The following SULT2B1 variants were observed in gnomAD, a reference collection of about 807,000 sequenced individuals.
SULT2B1 encodes the protein sulfotransferase 2B1.
SULT2B1 carries 16 observed loss-of-function variants against 33.2 expected under a neutral mutation model. The observed-to-expected ratio is 0.48, with a 90% CI of 0.33 to 0.73. The LOEUF (loss-of-function observed/expected upper bound fraction) is 0.73. SULT2B1 is among the 30% of genes least tolerant of loss of function. SULT2B1 has a pLI of 0.02. For synonymous variants in SULT2B1, 186 were observed against 200.5 expected, an observed-to-expected ratio of 0.93 and a Z score of 0.61; for missense variants, 500 against 506.0, an observed-to-expected ratio of 0.99 and a Z score of 0.11.
At chr19:48,577,478 G>A (rs971821725) in intron 2 of SULT2B1, among the ~76,000 whole-genome samples, 2 of 145,062 alleles carry the variant, frequency 1.4e-5, no homozygotes, top group Admixed American at 7.3e-5. Flanking sequence ...CGATTCTCCT[G>A]CCTCAGCCTC....
At chr19:48,582,494 G>A (rs898159295) in intron 2 of SULT2B1, among the ~76,000 whole-genome samples, 1 of 152,148 alleles carries the variant, frequency 6.6e-6, no homozygotes, top group Non-Finnish European at 1.5e-5. Context: ...CTTGGTCAGA[G>A]TCTGTACATT....
chr19:48,558,116 T>C (rs1296599502), intron 1 of SULT2B1, among the ~76,000 whole-genome samples: 4 of 152,054 alleles, frequency 2.6e-5, no homozygotes, highest in Non-Finnish European at 4.4e-5. Context: ...CTTACAGCCG[T>C]CGGAGATTAA....
Position 48,554,112 on chromosome 19 carries a change from C to A in SULT2B1, c.71+1789C>A, listed in dbSNP as rs144268109. Reference sequence around the variant, plus strand: ...CGTGGGGGAGAATAGCCCTCCCCTGCAAGACTCCTCCAGCCCTGATGGCTG... The same window carrying A: ...CGTGGGGGAGAATAGCCCTCCCCTGAAAGACTCCTCCAGCCCTGATGGCTG... On this transcript the variant is annotated intron_variant, in intron 1 of 6. Coordinates refer to ENST00000201586, the MANE Select transcript of SULT2B1 (RefSeq NM_177973.2). Among the ~76,000 whole-genome samples, 582 of 152,224 alleles carry A rather than the reference C, an allele frequency of 3.8e-3. 3 individuals are homozygous for A. Among genetic ancestry groups the A allele is most frequent in the African/African-American group, 0.013 (535 of 41,534 alleles).
intron 3 of SULT2B1, among the ~76,000 whole-genome samples, chr19:48,588,605 C>T (rs56199427): frequency 0.072 from 10,505 of 146,732 alleles, 1,284 homozygotes; most frequent in African/African-American, 0.26. Context: ...ATATGTTTAA[C>T]ATATAATAAC....
intron 1 of SULT2B1, among the ~76,000 whole-genome samples, chr19:48,559,749 G>A (rs181998534): frequency 1.9e-4 from 29 of 150,516 alleles, no homozygotes; most frequent in African/African-American, 7.3e-4. Flanking sequence ...GGCCCTAAGA[G>A]AGGTGTGGCC....
chr19:48,559,545 ATT>A (rs1568402680), intron 1 of SULT2B1, among the ~76,000 whole-genome samples: 1 of 151,958 alleles, frequency 6.6e-6, no homozygotes, highest in South Asian at 2.1e-4. Flanking sequence ...TAATTTTTGT[ATT>A]TTTGATAAAG....
rs983645814 is a variant in SULT2B1, at chr19:48,599,298, G to A, written c.990G>A (p.Lys330=). 6.2e-7 allele frequency: 1 copy of A among 1,610,110 alleles called. No individual in the cohort carries two copies. Among genetic ancestry groups the A allele is most frequent in the Non-Finnish European group, 8.5e-7 (1 of 1,178,382 alleles). Residue 330 remains lysine (K), a synonymous_variant, in exon 7 of 7, where the codon AAG becomes AAA. Transcript: ENST00000201586. This position sits in a 1 kb window ranked among gnomAD's most constrained non-coding sequence, Gnocchi z 4.1. ...AGCCCAGCCCTGAGCCTGAGCCCAA[G>A]CCCAGCCTTGAGCCCAACACCAGCC... ...DPEPSPEPEP[K]PSLEPNTSLE... is the part of the protein sequence containing the mutation.
rs7246557 is a variant in SULT2B1 at position 48,584,313 on chromosome 19, A to T, written c.215-2916A>T. On this transcript the variant is annotated intron_variant, in intron 2 of 6. Coordinates refer to ENST00000201586, the MANE Select transcript of SULT2B1 (RefSeq NM_177973.2). ...TGACTGAGAAGTTCACTGAAGTGCA[A>T]CAGGCCACTGAAATTTGCTAGGGGG... 6.9e-3 allele frequency among the ~76,000 whole-genome samples: 1,056 copies of T among 152,268 alleles called. 15 individuals are homozygous for T. Among genetic ancestry groups the T allele is most frequent in the African/African-American group, 0.025 (1,019 of 41,550 alleles).
At chr19:48,568,614 G>A (rs528763649) in intron 1 of SULT2B1, among the ~76,000 whole-genome samples, 90 of 152,296 alleles carry the variant, frequency 5.9e-4, no homozygotes, top group African/African-American at 2.0e-3. Flanking sequence ...AGAACAGCCC[G>A]GACAGAGGCA....
Position 48,576,026 on chromosome 19 carries a change from G to A in SULT2B1, c.157G>A (p.Glu53Lys). Residue 53 changes from glutamate (E) to lysine (K), a missense_variant, in exon 2 of 7, where the codon GAG becomes AAG. Glu to Lys is a moderately conservative substitution (Grantham distance 56, BLOSUM62 1). Transcript: ENST00000201586. ...LYSLESISLAENTQDVRDDDI... is the reference protein window; with the variant it reads ...LYSLESISLAKNTQDVRDDDI... ...CTCGCTCGAGAGCATCAGCTTGGCG[G>A]AGAACACCCAAGATGTGCGGGACGA... 6.2e-7 allele frequency: 1 copy of A among 1,613,974 alleles called. No individual in the cohort carries two copies. The highest frequency in any genetic ancestry group is 8.5e-7 in the Non-Finnish European group (1 of 1,179,970).
intron 5 of SULT2B1, 21 bp downstream of exon 5, chr19:48,592,837 G>GGT: frequency 6.5e-7 from 1 of 1,548,732 alleles, no homozygotes. Context: ...ACCTCCTCCA[G>GGT]GTGCAGCGTC....
In SULT2B1 at chr19:48,599,010, G is replaced by A; in HGVS notation, c.827-125G>A. 3 of 1,456,776 alleles carry A rather than the reference G, an allele frequency of 2.1e-6. No individual in the cohort carries two copies. Among genetic ancestry groups the A allele is most frequent in the South Asian group, 2.8e-5 (2 of 71,800 alleles). 90.2% of individuals were successfully genotyped at this position (1,456,776 alleles called of 1,614,324 possible). ...GGCAATGTGGAGGGTAGGGAGGACG[G>A]TGTTTCTGGCAAAGGGAACACCTCG... On this transcript the variant is annotated intron_variant, in intron 6 of 6. Coordinates refer to ENST00000201586, the MANE Select transcript of SULT2B1 (RefSeq NM_177973.2). This position sits in a 1 kb window ranked among gnomAD's most constrained non-coding sequence, Gnocchi z 4.1.
intron 6 of SULT2B1, 119 bp downstream of exon 6, chr19:48,597,038 G>A: frequency 2.6e-6 from 3 of 1,150,092 alleles, no homozygotes; most frequent in East Asian, 2.6e-5. Flanking sequence ...GGGTGAACAG[G>A]GTCACTGTGG....
rs143292540 is a variant in SULT2B1 at position 48,599,246 on chromosome 19, C to A, written c.938C>A (p.Pro313Gln). The A allele has an allele frequency of 6.2e-7, 1 of 1,609,848 alleles. No individual in the cohort carries two copies. The highest frequency in any genetic ancestry group is 1.1e-5 in the South Asian group (1 of 90,340). The change falls in exon 7 of 7, where the codon CCG becomes CAG. Residue 313 changes from proline to glutamine, a missense_variant. Coordinates refer to ENST00000201586, the MANE Select transcript of SULT2B1 (RefSeq NM_177973.2). This position sits in a 1 kb window ranked among gnomAD's most constrained non-coding sequence, Gnocchi z 4.1. Reference sequence around the variant, plus strand: ...CCGACCTTCCCCTGGGATGAAGACCCGGAGGAGGACGGCAGCCCAGATCCT... The same window carrying A: ...CCGACCTTCCCCTGGGATGAAGACCAGGAGGAGGACGGCAGCCCAGATCCT... ...GMPTFPWDEDPEEDGSPDPEP... is the reference protein window; with the variant it reads ...GMPTFPWDEDQEEDGSPDPEP...
intron 2 of SULT2B1, among the ~76,000 whole-genome samples, chr19:48,584,203 A>G (rs1030942516): frequency 6.6e-5 from 10 of 152,198 alleles, no homozygotes; most frequent in African/African-American, 2.4e-4. Context: ...AAAGAAAGAA[A>G]TTGGGAAGAA....
chr19:48,569,359 A>C (rs1429443197), intron 1 of SULT2B1, among the ~76,000 whole-genome samples: 3 of 15,088 alleles, frequency 2.0e-4, no homozygotes, highest in Non-Finnish European at 3.4e-4. Flanking sequence ...AAAAAAAAAA[A>C]AAACATATAT....
At chr19:48,580,807 T>C (rs1028224739) in intron 2 of SULT2B1, among the ~76,000 whole-genome samples, 5 of 150,672 alleles carry the variant, frequency 3.3e-5, no homozygotes, top group Middle Eastern at 7.0e-3. Flanking sequence ...GCGATAAGGG[T>C]CTCTGGTTGG....
intron 4 of SULT2B1, 123 bp from the exon 5 acceptor site, chr19:48,592,599 C>A: frequency 1.3e-6 from 1 of 755,148 alleles, no homozygotes; most frequent in South Asian, 1.7e-5. Flanking sequence ...TGGGGGAGGG[C>A]ATCCAGCTCT....
chr19:48,559,117 G>A (rs1030328684), intron 1 of SULT2B1, among the ~76,000 whole-genome samples: 17 of 152,106 alleles, frequency 1.1e-4, no homozygotes, highest in African/African-American at 4.1e-4. Context: ...CAGCACTAGC[G>A]GATGCGGGGA....
Sources: gnomAD v4.1 joint callset for allele counts (sites outside exome capture counted in the v4.1 genomes callset) on GRCh38, gnomAD v4.1.1 for gene constraint, Gnocchi (gnomAD v3.1) non-coding constraint, MANE v1.5 for transcripts, NCBI Gene and HGNC (gene_info 2026-07-23, HGNC 2026-07-21) for gene names.